Variants in CEP162 observed in about 807,000 individuals in gnomAD.
CEP162 encodes the protein centrosomal protein 162.
A neutral mutation model predicts 169.2 loss-of-function variants in CEP162; 141 were observed. The ratio of observed to expected loss-of-function variants is 0.83; its 90% CI spans 0.73 to 0.96. The LOEUF (loss-of-function observed/expected upper bound fraction) is 0.96, where lower values mean the gene tolerates loss of function less well. CEP162 is among the 40% of genes least tolerant of loss of function. CEP162 has a pLI of 0.00. For synonymous variants in CEP162, 540 were observed against 526.4 expected (o/e 1.03, Z -0.35); for missense variants, 1,600 against 1,587.2 (o/e 1.01, Z -0.14).
intron 6 of CEP162, among the ~76,000 whole-genome samples, chr6:84,207,167 T>C (rs1208767331): frequency 6.6e-6 from 1 of 152,198 alleles, no homozygotes; most frequent in African/African-American, 2.4e-5. Flanking sequence ...TGGCAATTCC[T>C]CAAGGATCTA....
In CEP162 at chr6:84,174,030, G is replaced by C; in HGVS notation, c.2166+18C>G. On this transcript the variant is annotated intron_variant, in intron 16 of 26. Transcript: ENST00000403245. ...AAGATCAAGAGTAAATTTGCCATAT[G>C]TTGAAGAATTGCCATACCTGTTGAT... 1 of 1,601,704 alleles carries C rather than the reference G, an allele frequency of 6.2e-7. No individual in the cohort carries two copies.
At position 84,226,322 on chromosome 6, in the gene CEP162, A is replaced by C. The variant is rs1562105923; in HGVS notation, c.57+15T>G. 6 of 1,515,736 alleles carry C rather than the reference A, an allele frequency of 4.0e-6. No individual in the cohort carries two copies. The Admixed American group carries it at 9.8e-5, about 25-fold the overall frequency. 93.9% of individuals were successfully genotyped at this position (1,515,736 alleles called of 1,614,324 possible). On this transcript the variant is annotated intron_variant, in intron 2 of 26. Transcript: ENST00000403245. ...GACAAATTTGACAATATAGCTTTTAAAAATATAAACTTACCTCTTTCATAA... is the reference window on the plus strand; with the variant it reads ...GACAAATTTGACAATATAGCTTTTACAAATATAAACTTACCTCTTTCATAA...
chr6:84,144,742 A>C lies in CEP162; in HGVS notation c.3870+1945T>G, dbSNP rs544769270. On this transcript the variant is annotated intron_variant, in intron 25 of 26. Transcript: ENST00000403245. The stretch of plus-strand genomic sequence containing the variant: ...ATGGGACTAAGTAAACTGATGAAGA[A>C]TTCTTTTTAGGGACTGTCTGTTTAA... Among the ~76,000 whole-genome samples the C allele has an allele frequency of 3.3e-5, 5 of 152,236 alleles. No individual in the cohort carries two copies. The South Asian group carries it at 1.0e-3, about 32-fold the overall frequency.
At chr6:84,141,362 T>A (rs2099516551) in intron 25 of CEP162, among the ~76,000 whole-genome samples, 1 of 152,158 alleles carries the variant, frequency 6.6e-6, no homozygotes, top group African/African-American at 2.4e-5. Flanking sequence ...AAGTCTAGTC[T>A]AAGCAAACAA....
intron 6 of CEP162, among the ~76,000 whole-genome samples, chr6:84,208,456 G>A (rs1413529507): frequency 2.0e-5 from 3 of 152,230 alleles, no homozygotes; most frequent in Admixed American, 6.5e-5. Flanking sequence ...GACTACATAA[G>A]GTACTAGAGT....
intron 17 of CEP162, among the ~76,000 whole-genome samples, chr6:84,170,116 G>A (rs1035459965): frequency 3.9e-5 from 6 of 152,126 alleles, no homozygotes; most frequent in Admixed American, 1.3e-4. Context: ...GCTCACGCCT[G>A]TAATCCCAGC....
intron 13 of CEP162, among the ~76,000 whole-genome samples, chr6:84,177,237 T>C (rs905741570): frequency 1.3e-5 from 2 of 152,154 alleles, no homozygotes; most frequent in African/African-American, 4.8e-5. Flanking sequence ...GCTAACTACA[T>C]TGACTATTTA....
intron 21 of CEP162, among the ~76,000 whole-genome samples, chr6:84,159,061 T>C (rs941774831): frequency 2.4e-4 from 37 of 151,490 alleles, no homozygotes; most frequent in African/African-American, 8.7e-4. Context: ...AAATAGATAA[T>C]TTATAATTAG....
chr6:84,221,757 T>C (rs892229341), intron 2 of CEP162, among the ~76,000 whole-genome samples: 2 of 152,082 alleles, frequency 1.3e-5, no homozygotes, highest in Non-Finnish European at 2.9e-5. Flanking sequence ...GTCACCCTTT[T>C]CTCTGAGAAA....
At chr6:84,194,350 G>T (rs1192349925) in intron 10 of CEP162, among the ~76,000 whole-genome samples, 1 of 130,618 alleles carries the variant, frequency 7.7e-6, no homozygotes, top group African/African-American at 3.1e-5. Flanking sequence ...GCAAGACTCC[G>T]TCTCAAAAAA....
At chr6:84,178,385 A>G (rs1273481893) in intron 13 of CEP162, among the ~76,000 whole-genome samples, 1 of 152,202 alleles carries the variant, frequency 6.6e-6, no homozygotes, top group Admixed American at 6.5e-5. Flanking sequence ...ATGAAACAAG[A>G]TTGAATAGGA....
chr6:84,139,122 C>T (rs1216189926), intron 25 of CEP162, among the ~76,000 whole-genome samples: 1 of 152,170 alleles, frequency 6.6e-6, no homozygotes, highest in Non-Finnish European at 1.5e-5. Context: ...GGAAGAAAAG[C>T]TCTCTATCCT....
At chr6:84,192,381 A>G (rs1389569266) in intron 11 of CEP162, among the ~76,000 whole-genome samples, 1 of 152,238 alleles carries the variant, frequency 6.6e-6, no homozygotes. Flanking sequence ...AAGATATAAG[A>G]TGTGTAAGAA....
At chr6:84,153,564 C>T (rs9449806) in intron 22 of CEP162, among the ~76,000 whole-genome samples, 5,990 of 152,184 alleles carry the variant, frequency 0.039, 210 homozygotes, top group African/African-American at 0.098. Context: ...CTGAAGTCTT[C>T]GGGAAACAGC....
chr6:84,187,435 T>C (rs2099537656), intron 11 of CEP162, among the ~76,000 whole-genome samples: 1 of 152,210 alleles, frequency 6.6e-6, no homozygotes, highest in Non-Finnish European at 1.5e-5. Flanking sequence ...TGGTAACTGC[T>C]AGTAGGTGGA....
rs140862528 is a variant in CEP162, at chr6:84,126,821, A to AT, written c.3871-310dup. Among the ~76,000 whole-genome samples the AT allele has an allele frequency of 9.3e-3, 1,422 of 152,330 alleles. 17 individuals carry two copies. Among genetic ancestry groups the AT allele is most frequent in the African/African-American group, 0.032 (1,339 of 41,586 alleles). On this transcript the variant is annotated intron_variant, in intron 25 of 26. Transcript: ENST00000403245. ...AATGCATTAAGTTTCACTACAAGGT[A>AT]TTGTTAGTAAGATGGTTACTTTCAG...
In CEP162 at chr6:84,215,801, T is replaced by TA. The variant is rs777805099; in HGVS notation, c.293dup (p.Leu98PhefsTer4). 6 of 1,592,144 alleles carry TA rather than the reference T, an allele frequency of 3.8e-6. No individual in the cohort carries two copies. The highest frequency in any genetic ancestry group is 5.1e-6 in the Non-Finnish European group (6 of 1,167,404). Reference sequence around the variant, plus strand: ...CATTTGTTTCTAAGCTATCAGTACTTAAGAGAGAGGTTCCACTGCTCTTAA... The same window carrying TA: ...CATTTGTTTCTAAGCTATCAGTACTTAAAGAGAGAGGTTCCACTGCTCTTAA... On this transcript the variant is annotated frameshift_variant, in exon 4 of 27. Coordinates refer to ENST00000403245, the MANE Select transcript of CEP162 (RefSeq NM_014895.4). LOFTEE classifies it high-confidence loss of function.
intron 6 of CEP162, among the ~76,000 whole-genome samples, chr6:84,211,891 T>A (rs2099549633): frequency 6.8e-6 from 1 of 146,716 alleles, no homozygotes. Context: ...CATAGTCAAA[T>A]TGCCAAAAAA....
intron 25 of CEP162, among the ~76,000 whole-genome samples, chr6:84,135,634 G>A (rs1485136702): frequency 1.3e-5 from 2 of 152,126 alleles, no homozygotes; most frequent in African/African-American, 2.4e-5. Flanking sequence ...AGGCTGAGAC[G>A]GGTGAATCAC....
Sources: allele counts gnomAD v4.1 joint callset (sites outside exome capture counted in the v4.1 genomes callset), GRCh38; gene constraint gnomAD v4.1.1; transcripts MANE v1.5; gene names NCBI Gene and HGNC (gene_info 2026-07-23, HGNC 2026-07-21).